SIK3: variants seen among roughly 807,000 people sequenced by gnomAD.
SIK3 encodes the protein SIK family kinase 3, also known as serine/threonine-protein kinase SIK3.
SIK3 carries 28 observed loss-of-function variants against 144.2 expected under a neutral mutation model. The observed-to-expected ratio is 0.19, with a 90% confidence interval of 0.14 to 0.27. The LOEUF (loss-of-function observed/expected upper bound fraction) is 0.27, where lower values mean the gene tolerates loss of function less well. SIK3 is among the 10% of genes least tolerant of loss of function. The pLI is 1.00. For missense variants in SIK3, 1,319 were observed against 1,776.0 expected, an observed-to-expected ratio of 0.74 and a Z score of 4.62; for synonymous variants, 686 against 676.3, an observed-to-expected ratio of 1.01 and a Z score of -0.22.
intron 1 of SIK3, among the ~76,000 whole-genome samples, chr11:116,989,274 C>T (rs183621517): frequency 6.6e-6 from 1 of 152,102 alleles, no homozygotes; most frequent in Non-Finnish European, 1.5e-5. Context: ...CTTTTTAAAT[C>T]AGTAAGGTCT....
At chr11:116,928,277 C>T (rs1947394574) in intron 3 of SIK3, among the ~76,000 whole-genome samples, 1 of 152,186 alleles carries the variant, frequency 6.6e-6, no homozygotes, top group Non-Finnish European at 1.5e-5. Context: ...AGTTCTTTAT[C>T]AAACCAACAA....
chr11:117,027,878 T>C (rs1238782007), intron 1 of SIK3, among the ~76,000 whole-genome samples: 3 of 152,170 alleles, frequency 2.0e-5, no homozygotes, highest in African/African-American at 4.8e-5. Flanking sequence ...AACCAAATTA[T>C]AGCAAAACCA....
At chr11:116,975,092 A>G (rs1046039123) in intron 1 of SIK3, among the ~76,000 whole-genome samples, 1 of 152,082 alleles carries the variant, frequency 6.6e-6, no homozygotes, top group Non-Finnish European at 1.5e-5. Context: ...ATTTAGCCCG[A>G]ACGAGGACAT....
intron 6 of SIK3, among the ~76,000 whole-genome samples, chr11:116,895,351 A>G (rs780241049): frequency 5.9e-5 from 9 of 152,126 alleles, no homozygotes; most frequent in Non-Finnish European, 1.3e-4. Flanking sequence ...AGGGGTTTTC[A>G]TGTAACTTAC....
chr11:116,885,452 T>C (rs1944762493), intron 6 of SIK3, among the ~76,000 whole-genome samples: 1 of 152,192 alleles, frequency 6.6e-6, no homozygotes, highest in Non-Finnish European at 1.5e-5. Context: ...CAGGAAATCC[T>C]GGCCTAAAGG....
At chr11:117,054,940 T>A (rs1953443981) in intron 1 of SIK3, among the ~76,000 whole-genome samples, 1 of 152,142 alleles carries the variant, frequency 6.6e-6, no homozygotes, top group Non-Finnish European at 1.5e-5. Context: ...TTAAAAGGAA[T>A]AATAATAATA....
At position 117,097,822 on chromosome 11, in the gene SIK3, C is replaced by T. The variant is rs550492481; in HGVS notation, c.273+321G>A. On this transcript the variant is annotated intron_variant, in intron 1 of 24. Transcript: ENST00000445177. ...CAGAGTCTTCTGGGCTTACAGTCTC[C>T]CGGCCCTCGGGGAGTTCCGACCCCT... Among the ~76,000 whole-genome samples, 5 of 152,232 alleles carry T rather than the reference C, an allele frequency of 3.3e-5. No homozygotes were observed. In the East Asian group the frequency reaches 9.7e-4, roughly 30 times the overall value.
At chr11:116,906,238 T>C (rs776764876) in intron 4 of SIK3, among the ~76,000 whole-genome samples, 9 of 152,090 alleles carry the variant, frequency 5.9e-5, no homozygotes, top group Non-Finnish European at 1.2e-4. Context: ...GGACAGTACT[T>C]GATAACAAAC....
chr11:116,844,184 G>A lies in SIK3; in HGVS notation c.*1459C>T, dbSNP rs1248763107. On this transcript the variant is annotated 3_prime_UTR_variant, in exon 25 of 25. Transcript: ENST00000445177. ...AGAGAAGACTTTGGTTTCTAACAAT[G>A]AAGAGAAATAAAGATAACACAAATA... 5.9e-5 allele frequency: 9 copies of A among 152,134 alleles called. No individual in the cohort carries two copies. The allele number at this position is 152,134 out of a possible 1,614,324, so 9.4% of individuals were successfully genotyped here. A position where few individuals can be genotyped will look rare whatever the true frequency, so the allele number is the denominator to read the frequency against.
At chr11:116,889,108 A>G (rs12294191) in intron 6 of SIK3, among the ~76,000 whole-genome samples, 10,887 of 152,274 alleles carry the variant, frequency 0.071, 454 homozygotes, top group Middle Eastern at 0.12. Flanking sequence ...AACAAACACT[A>G]AATTTGAATA....
chr11:116,919,119 A>G (rs1565451825), intron 4 of SIK3, among the ~76,000 whole-genome samples: 1 of 152,224 alleles, frequency 6.6e-6, no homozygotes. Context: ...TTAGATTGAT[A>G]TAATGAGTAT....
chr11:116,882,069 T>C (rs1041210981), intron 6 of SIK3, among the ~76,000 whole-genome samples: 24 of 152,106 alleles, frequency 1.6e-4, no homozygotes, highest in Non-Finnish European at 3.4e-4. Flanking sequence ...AATTCTCTCC[T>C]CTGGCAGATC....
chr11:116,862,233 T>C lies in SIK3; in HGVS notation c.2198A>G (p.Gln733Arg). The C allele has an allele frequency of 6.2e-7, 1 of 1,614,250 alleles. No homozygotes were observed. The highest frequency in any genetic ancestry group is 8.5e-7 in the Non-Finnish European group (1 of 1,180,054). The change falls in exon 17 of 25, where the codon CAG becomes CGG. Residue 733 changes from glutamine to arginine, a missense_variant. By Grantham distance (43) the Gln-to-Arg change is conservative (BLOSUM62 1). Around this residue, in one of 8 missense-constraint regions of SIK3, gnomAD observed 77 missense variants for 141.9 expected, o/e 0.54. Transcript: ENST00000445177. ...TTGTTGCTGGAGAATTTGATGGTGC[T>C]GCTCCTGCTGGTATAACATATGCTG... ...QQQHMLYQQE[Q>R]HHQILQQQIQ...
intron 1 of SIK3, among the ~76,000 whole-genome samples, chr11:116,979,832 G>A (rs1950078061): frequency 6.6e-6 from 1 of 151,998 alleles, no homozygotes; most frequent in African/African-American, 2.4e-5. Context: ...GGCCAACAGA[G>A]CAAGACTCCA....
chr11:117,020,484 G>C (rs1222249941), intron 1 of SIK3, among the ~76,000 whole-genome samples: 1 of 152,042 alleles, frequency 6.6e-6, no homozygotes, highest in Non-Finnish European at 1.5e-5. Flanking sequence ...CACAGGACTG[G>C]TGGCCAATTG....
At chr11:117,048,323 G>GCTT (rs1953056098) in intron 1 of SIK3, among the ~76,000 whole-genome samples, 1 of 152,158 alleles carries the variant, frequency 6.6e-6, no homozygotes, top group East Asian at 1.9e-4. Flanking sequence ...CCTTTAAAAA[G>GCTT]TTAATGAAAT....
At chr11:117,073,152 G>C (rs946292429) in intron 1 of SIK3, among the ~76,000 whole-genome samples, 1 of 152,092 alleles carries the variant, frequency 6.6e-6, no homozygotes, top group Non-Finnish European at 1.5e-5. Context: ...TGAGGGAAGG[G>C]AGCATTGGAA....
At chr11:117,080,021 G>A (rs939081313) in intron 1 of SIK3, among the ~76,000 whole-genome samples, 1 of 151,910 alleles carries the variant, frequency 6.6e-6, no homozygotes, top group Non-Finnish European at 1.5e-5. Flanking sequence ...GTGACAGAGT[G>A]AGACTCCAAC....
At chr11:116,926,864 T>C (rs921670586) in intron 4 of SIK3, among the ~76,000 whole-genome samples, 2 of 151,920 alleles carry the variant, frequency 1.3e-5, no homozygotes, top group Middle Eastern at 3.2e-3. Context: ...CTACTAAAAG[T>C]ATAAAAATTA....
Sources: gnomAD v4.1 joint callset for allele counts (sites outside exome capture counted in the v4.1 genomes callset) on GRCh38, gnomAD v4.1.1 for gene constraint, gnomAD v4.1.1 regional missense constraint, MANE v1.5 for transcripts, NCBI Gene and HGNC (gene_info 2026-07-23, HGNC 2026-07-21) for gene names.